RILPL1: variants seen among roughly 807,000 people sequenced by gnomAD.
The protein encoded by RILPL1 is Rab interacting lysosomal protein like 1.
In RILPL1, 33 loss-of-function variants were observed where a neutral mutation model predicts 50.3. That is an observed-to-expected ratio of 0.66 (90% confidence interval 0.50 to 0.88). The LOEUF is 0.88. RILPL1 is among the 40% of genes least tolerant of loss of function. The pLI, the probability that RILPL1 is intolerant of heterozygous loss-of-function variation, is 0.00. For missense variants in RILPL1, 418 were observed against 542.5 expected (o/e 0.77, Z 2.28); for synonymous variants, 205 against 228.6 (o/e 0.90, Z 0.93).
chr12:123,490,658 G>A (rs182264931), intron 4 of RILPL1, among the ~76,000 whole-genome samples: 5 of 151,704 alleles, frequency 3.3e-5, no homozygotes, highest in Non-Finnish European at 2.9e-5. Context: ...GGCTGGTTTC[G>A]GACTCCCGGG....
chr12:123,483,850 C>G (rs763903680), intron 6 of RILPL1, among the ~76,000 whole-genome samples: 1 of 152,152 alleles, frequency 6.6e-6, no homozygotes, highest in Non-Finnish European at 1.5e-5. Context: ...ACCCCTACCT[C>G]GCTACCCTTA....
Position 123,533,243 on chromosome 12 carries a change from C to A in RILPL1, c.240G>T (p.Leu80=). Residue 80 remains leucine, a synonymous_variant, in exon 1 of 7, where the codon CTG becomes CTT. Transcript: ENST00000376874. This position sits in a 1 kb window ranked among gnomAD's most constrained non-coding sequence, Gnocchi z 6.2. ...GGCGCAGGCGGTCCAGCTCCAGGCGCAGCTCGTCCAGCTCGGGCGCGACGT... is the reference window on the plus strand; with the variant it reads ...GGCGCAGGCGGTCCAGCTCCAGGCGAAGCTCGTCCAGCTCGGGCGCGACGT... ...RHHVAPELDE[L]RLELDRLRLE... is the part of the protein sequence containing the mutation. The A allele has an allele frequency of 6.3e-7, 1 of 1,592,652 alleles. No homozygotes were observed. Among genetic ancestry groups the A allele is most frequent in the South Asian group, 1.1e-5 (1 of 88,814 alleles).
rs146553942 is a variant in RILPL1, at chr12:123,522,813, A to T, written c.460+682T>A. Among the ~76,000 whole-genome samples, 816 of 152,124 alleles carry T rather than the reference A, an allele frequency of 5.4e-3. 8 individuals carry two copies. The highest frequency in any genetic ancestry group is 0.018 in the African/African-American group (751 of 41,496). On this transcript the variant is annotated intron_variant, in intron 2 of 6. Transcript: ENST00000376874. This position sits in a 1 kb window ranked among gnomAD's most constrained non-coding sequence, Gnocchi z 4.0. ...GGTCTATGTTGCCCAGGCTGGTCTCAAACTCCTGGCTCCAAGTGATCTTCC... is the reference window on the plus strand; with the variant it reads ...GGTCTATGTTGCCCAGGCTGGTCTCTAACTCCTGGCTCCAAGTGATCTTCC...
Position 123,473,816 on chromosome 12 carries a change from A to G in RILPL1, c.1068-1134T>C, listed in dbSNP as rs552028480. 37 of 145,692 alleles carry G rather than the reference A, an allele frequency of 2.5e-4. 1 individual carries two copies. In the South Asian group the frequency reaches 8.4e-3, roughly 33 times the overall value. The allele number at this position is 145,692 out of a possible 1,614,324, so 9.0% of individuals were successfully genotyped here. A position where few individuals can be genotyped will look rare whatever the true frequency, so the allele number is the denominator to read the frequency against. On this transcript the variant is annotated intron_variant, in intron 6 of 6. Transcript: ENST00000376874. ...CATAAGCATACTTGAGTTTGTTACC[A>G]TAGAAAAAAGAAAGAAAAAAACAAA...
intron 2 of RILPL1, chr12:123,513,237 G>A: frequency 3.9e-6 from 1 of 255,190 alleles, no homozygotes. Context: ...GTGTGTTTGG[G>A]GGCTGAGGTC....
chr12:123,529,578 GA>G (rs1885378638), intron 1 of RILPL1, among the ~76,000 whole-genome samples: 1 of 105,346 alleles, frequency 9.5e-6, no homozygotes, highest in Non-Finnish European at 2.1e-5. Flanking sequence ...TGCCCAGCCT[GA>G]ATTTTTTTTT....
rs1444004208 is a variant in RILPL1, at chr12:123,485,211, C to G, written c.974+422G>C. 2.2e-6 allele frequency: 1 copy of G among 457,540 alleles called. No homozygotes were observed. The highest frequency in any genetic ancestry group is 4.4e-6 in the Non-Finnish European group (1 of 228,038). The allele number at this position is 457,540 out of a possible 1,614,324, so 28.3% of individuals were successfully genotyped here. On this transcript the variant is annotated intron_variant, in intron 5 of 6. Transcript: ENST00000376874. The surrounding 1 kb of genome is among the most constrained non-coding windows in gnomAD (Gnocchi z 4.0). ...CTTCTGGTCTCATGTTGCTTGTGGT[C>G]TCATGTGGAAACCTACAATAAAGCA... is the stretch of plus-strand genomic sequence containing the variant.
At chr12:123,510,943 TTGTG>T (rs778951034) in intron 2 of RILPL1, among the ~76,000 whole-genome samples, 28 of 82,708 alleles carry the variant, frequency 3.4e-4, no homozygotes, top group Admixed American at 5.1e-4. Context: ...TGTGTAAGGT[TTGTG>T]TGTATGTGAT....
At chr12:123,475,737 T>C (rs761357386) in intron 6 of RILPL1, 1 of 1,589,776 alleles carries the variant, frequency 6.3e-7, no homozygotes, top group South Asian at 1.1e-5. Flanking sequence ...ATAGGCATTA[T>C]GGCTGTAAAG....
chr12:123,496,842 G>A (rs1028336115), intron 4 of RILPL1, among the ~76,000 whole-genome samples: 2 of 152,198 alleles, frequency 1.3e-5, no homozygotes, highest in Non-Finnish European at 1.5e-5. Flanking sequence ...CTCTGGCCAC[G>A]CGGACAGTAA....
intron 4 of RILPL1, among the ~76,000 whole-genome samples, chr12:123,495,564 TG>T (rs1197472934): frequency 6.8e-6 from 1 of 147,970 alleles, no homozygotes; most frequent in Non-Finnish European, 1.5e-5. Flanking sequence ...TTAGTAGAGA[TG>T]GGGTTTCACC....
At chr12:123,493,941 C>A (rs1034487702) in intron 4 of RILPL1, among the ~76,000 whole-genome samples, 1 of 152,068 alleles carries the variant, frequency 6.6e-6, no homozygotes, top group African/African-American at 2.4e-5. Flanking sequence ...CCCACCACCA[C>A]GCCTGGCTTT....
Position 123,519,073 on chromosome 12 carries a change from AAG to A in RILPL1, c.460+4420_460+4421del, listed in dbSNP as rs1491523711. Among the ~76,000 whole-genome samples, 938 of 145,898 alleles carry A rather than the reference AAG, an allele frequency of 6.4e-3. 45 individuals are homozygous for A. Among genetic ancestry groups the A allele is most frequent in the Non-Finnish European group, 8.8e-3 (580 of 66,216 alleles). On this transcript the variant is annotated intron_variant, in intron 2 of 6. Transcript: ENST00000376874. ...CTCCATCTCAAAAAAAAAAAAAAAA[AAG>A]AAAAGAAAAAAGAAATTACTTCATC...
At chr12:123,506,962 G>A (rs773619691) in intron 2 of RILPL1, among the ~76,000 whole-genome samples, 1 of 152,142 alleles carries the variant, frequency 6.6e-6, no homozygotes, top group Admixed American at 6.6e-5. Context: ...CCACAGAGAC[G>A]TCAGCCCTGG....
chr12:123,499,632 G>T (rs1022130023), intron 2 of RILPL1, 96 bp from the exon 3 acceptor site: 1 of 906,370 alleles, frequency 1.1e-6, no homozygotes, highest in East Asian at 2.6e-5. Context: ...GGTCTTAGTG[G>T]CCCCCCGGCC....
At position 123,484,291 on chromosome 12, in the gene RILPL1, C is replaced by A. The variant is rs142573147; in HGVS notation, c.975-19G>T. 6.5e-7 allele frequency: 1 copy of A among 1,526,776 alleles called. No homozygotes were observed. Among genetic ancestry groups the A allele is most frequent in the Admixed American group, 1.7e-5 (1 of 59,728 alleles). 94.6% of individuals were successfully genotyped at this position (1,526,776 alleles called of 1,614,324 possible). Reference sequence around the variant, plus strand: ...TTCTTCACTGGAAGGAGATGAGAGGCGTGAGATAAAAGAGTCAAAAGTTCC... The same window carrying A: ...TTCTTCACTGGAAGGAGATGAGAGGAGTGAGATAAAAGAGTCAAAAGTTCC... On this transcript the variant is annotated intron_variant, in intron 5 of 6. Coordinates refer to ENST00000376874, the MANE Select transcript of RILPL1 (RefSeq NM_178314.5).
Position 123,498,522 on chromosome 12 carries a change from C to G in RILPL1, c.801+22G>C. The stretch of plus-strand genomic sequence containing the variant: ...CCAGACTGACCCTCTGCTACCACCT[C>G]TGCACCCAGCTTCCTGCTCACCTCA... On this transcript the variant is annotated intron_variant, in intron 4 of 6. Coordinates refer to ENST00000376874, the MANE Select transcript of RILPL1 (RefSeq NM_178314.5). This position sits in a 1 kb window ranked among gnomAD's most constrained non-coding sequence, Gnocchi z 4.3. 1.2e-6 allele frequency: 2 copies of G among 1,608,100 alleles called. No homozygotes were observed. Among genetic ancestry groups the G allele is most frequent in the Non-Finnish European group, 1.7e-6 (2 of 1,176,068 alleles).
At chr12:123,475,689 G>A in intron 6 of RILPL1, 4 of 1,593,180 alleles carry the variant, frequency 2.5e-6, no homozygotes, top group Non-Finnish European at 3.4e-6. Flanking sequence ...CGGACAGGCT[G>A]CAGTGTGGGG....
intron 2 of RILPL1, among the ~76,000 whole-genome samples, chr12:123,503,493 G>A (rs77723510): frequency 0.22 from 33,471 of 151,634 alleles, 3,868 homozygotes; most frequent in Middle Eastern, 0.26. Flanking sequence ...ATGAGCCACC[G>A]TGCCTGGCCC....
Sources: allele counts gnomAD v4.1 joint callset (sites outside exome capture counted in the v4.1 genomes callset), GRCh38; gene constraint gnomAD v4.1.1; non-coding constraint Gnocchi (gnomAD v3.1); transcripts MANE v1.5; gene names NCBI Gene and HGNC (gene_info 2026-07-23, HGNC 2026-07-21).